GPC5: variants seen among roughly 807,000 people sequenced by gnomAD.
GPC5 encodes the protein glypican-5.
Under a neutral mutation model 53.9 loss-of-function variants are expected in GPC5, and 47 were observed. That is an observed-to-expected ratio of 0.87 (90% confidence interval 0.69 to 1.11). The LOEUF is 1.11. Ranked by LOEUF, GPC5 falls within the 50% of genes most tolerant of loss-of-function variation. The probability of loss-of-function intolerance (pLI) is 0.00; values close to 1 mark genes in which losing one functional copy is unlikely to be tolerated. For missense variants in GPC5, 748 were observed against 713.1 expected (o/e 1.05, Z -0.56); for synonymous variants, 286 against 263.3 (o/e 1.09, Z -0.84).
chr13:92,527,813 C>A (rs1881421093), intron 7 of GPC5, among the ~76,000 whole-genome samples: 1 of 151,884 alleles, frequency 6.6e-6, no homozygotes, highest in South Asian at 2.1e-4. Flanking sequence ...AGATTAGTTT[C>A]TATAACACAG....
chr13:92,034,232 A>T (rs2040875739), intron 6 of GPC5, among the ~76,000 whole-genome samples: 1 of 152,204 alleles, frequency 6.6e-6, no homozygotes, highest in Non-Finnish European at 1.5e-5. Context: ...GCAGCGGCTC[A>T]CGTCTGTAAT....
chr13:92,810,841 C>T (rs1322584736), intron 7 of GPC5, among the ~76,000 whole-genome samples: 1 of 151,916 alleles, frequency 6.6e-6, no homozygotes, highest in East Asian at 1.9e-4. Flanking sequence ...CTGCCTCAGC[C>T]TCCAGAGTAG....
At chr13:92,271,834 T>G (rs1339204710) in intron 7 of GPC5, among the ~76,000 whole-genome samples, 1 of 152,192 alleles carries the variant, frequency 6.6e-6, no homozygotes, top group East Asian at 1.9e-4. Flanking sequence ...TATCCTCCAG[T>G]ATAAATATGG....
At chr13:91,445,699 T>C (rs1213167614) in intron 1 of GPC5, among the ~76,000 whole-genome samples, 1 of 152,170 alleles carries the variant, frequency 6.6e-6, no homozygotes, top group Non-Finnish European at 1.5e-5. Context: ...GGTCTCGAAC[T>C]CCTGACCTCA....
At chr13:91,748,075 A>C (rs2037090787) in intron 4 of GPC5, among the ~76,000 whole-genome samples, 1 of 152,168 alleles carries the variant, frequency 6.6e-6, no homozygotes, top group Admixed American at 6.5e-5. Context: ...ACAGTTTAAA[A>C]TGTTTCCTTG....
intron 2 of GPC5, among the ~76,000 whole-genome samples, chr13:91,600,500 T>C (rs1326297385): frequency 2.6e-5 from 4 of 151,986 alleles, no homozygotes; most frequent in Non-Finnish European, 2.9e-5. Flanking sequence ...ATGTACATCA[T>C]AAATATAAAC....
intron 2 of GPC5, among the ~76,000 whole-genome samples, chr13:91,469,241 C>T (rs1432436739): frequency 5.3e-5 from 8 of 151,506 alleles, no homozygotes; most frequent in Admixed American, 1.3e-4. Flanking sequence ...CCTGAGTAGC[C>T]GGGATTACAG....
At chr13:91,520,325 TG>T (rs1885735709) in intron 2 of GPC5, among the ~76,000 whole-genome samples, 1 of 152,238 alleles carries the variant, frequency 6.6e-6, no homozygotes, top group African/African-American at 2.4e-5. Flanking sequence ...GCTAGTTTCC[TG>T]GTCCCCAGAT....
intron 6 of GPC5, among the ~76,000 whole-genome samples, chr13:91,963,791 A>G (rs946459180): frequency 6.6e-6 from 1 of 152,140 alleles, no homozygotes; most frequent in African/African-American, 2.4e-5. Context: ...CTGATGGGGT[A>G]TTTTGAGCTC....
At chr13:91,738,880 T>C (rs1276927191) in intron 4 of GPC5, among the ~76,000 whole-genome samples, 1 of 151,392 alleles carries the variant, frequency 6.6e-6, no homozygotes, top group Non-Finnish European at 1.5e-5. Context: ...ACTACTGCTA[T>C]ATAATAATAC....
At chr13:91,715,747 GTTT>G (rs35613083) in intron 3 of GPC5, among the ~76,000 whole-genome samples, 1 of 100,160 alleles carries the variant, frequency 1.0e-5, no homozygotes, top group Non-Finnish European at 2.2e-5. Flanking sequence ...TCTTGAAGTT[GTTT>G]TTTTTTTTTT....
At chr13:92,405,404 A>C (rs2139341993) in intron 7 of GPC5, among the ~76,000 whole-genome samples, 1 of 152,346 alleles carries the variant, frequency 6.6e-6, no homozygotes, top group Middle Eastern at 3.4e-3. Flanking sequence ...ACTGGGAATC[A>C]ACATTTTTTT....
chr13:92,512,263 C>CGT (rs1255799266), intron 7 of GPC5, among the ~76,000 whole-genome samples: 5 of 151,668 alleles, frequency 3.3e-5, no homozygotes, highest in Non-Finnish European at 7.4e-5. Context: ...CGCGCGCGCG[C>CGT]GTACGCTGTG....
chr13:91,779,414 G>A (rs1215858233), intron 5 of GPC5, among the ~76,000 whole-genome samples: 1 of 151,876 alleles, frequency 6.6e-6, no homozygotes, highest in Non-Finnish European at 1.5e-5. Flanking sequence ...AGGCTGGAGT[G>A]CAGTGGCGTG....
chr13:91,417,433 A>G (rs1383137287), intron 1 of GPC5, among the ~76,000 whole-genome samples: 1 of 152,180 alleles, frequency 6.6e-6, no homozygotes, highest in Admixed American at 6.5e-5. Context: ...CAAAACGTAG[A>G]TTCTCTAAAG....
chr13:92,632,204 A>G (rs556425596), intron 7 of GPC5, among the ~76,000 whole-genome samples: 2 of 152,268 alleles, frequency 1.3e-5, no homozygotes, highest in South Asian at 4.1e-4. Context: ...TCTTTGGCCA[A>G]TTTGAATGAT....
Position 92,672,122 on chromosome 13 carries a change from A to AT in GPC5, c.1562-194152dup, listed in dbSNP as rs537748462. On this transcript the variant is annotated intron_variant, in intron 7 of 7. Coordinates refer to ENST00000377067, the MANE Select transcript of GPC5 (RefSeq NM_004466.6). ...GTTCCAGACTTCAGTTTTGTTGGGT[A>AT]TTTTTTTTACTCCCAGCGAGCTAAA... Among the ~76,000 whole-genome samples, 215 of 151,950 alleles carry AT rather than the reference A, an allele frequency of 1.4e-3. 1 individual carries two copies. The highest frequency in any genetic ancestry group is 4.8e-3 in the African/African-American group (200 of 41,472).
chr13:92,280,994 C>T (rs2139168445), intron 7 of GPC5, among the ~76,000 whole-genome samples: 1 of 152,318 alleles, frequency 6.6e-6, no homozygotes, highest in East Asian at 1.9e-4. Flanking sequence ...ATTCCCTTTC[C>T]CAGTCAAGGG....
intron 3 of GPC5, among the ~76,000 whole-genome samples, chr13:91,698,049 G>A (rs1037169798): frequency 2.6e-5 from 4 of 151,922 alleles, no homozygotes; most frequent in Non-Finnish European, 5.9e-5. Context: ...TTACAGGCAT[G>A]CGTCACCACA....
Sources: gnomAD v4.1 joint callset for allele counts (sites outside exome capture counted in the v4.1 genomes callset) on GRCh38, gnomAD v4.1.1 for gene constraint, MANE v1.5 for transcripts, NCBI Gene and HGNC (gene_info 2026-07-23, HGNC 2026-07-21) for gene names.